The following KLHL5 variants were observed in gnomAD, a reference collection of about 807,000 sequenced individuals.
KLHL5 encodes the protein kelch-like protein 5.
KLHL5 carries 48 observed loss-of-function variants against 77.7 expected under a neutral mutation model. The observed-to-expected ratio is 0.62, with a 90% confidence interval of 0.49 to 0.79. The LOEUF (loss-of-function observed/expected upper bound fraction) is 0.79. Ranked by LOEUF, KLHL5 falls within the 30% of genes least tolerant of loss-of-function variation. KLHL5 has a pLI of 0.00. For missense variants in KLHL5, 723 were observed against 859.7 expected, an observed-to-expected ratio of 0.84 and a Z score of 1.99; for synonymous variants, 260 against 297.0, an observed-to-expected ratio of 0.88 and a Z score of 1.28.
intron 8 of KLHL5, among the ~76,000 whole-genome samples, chr4:39,110,171 T>C (rs996216381): frequency 1.3e-5 from 2 of 152,160 alleles, no homozygotes; most frequent in African/African-American, 2.4e-5. Flanking sequence ...GTATTACAAG[T>C]TCAAGCATAT....
Position 39,103,974 on chromosome 4 carries a change from C to A in KLHL5, c.1525+463C>A, listed in dbSNP as rs866554847. On this transcript the variant is annotated intron_variant, in intron 7 of 10. Transcript: ENST00000504108. Reference sequence around the variant, plus strand: ...CTCCAGCCTGGCAAAACATCTATCTCAAAAAAAAAAAAAAAAAAAAGGATC... The same window carrying A: ...CTCCAGCCTGGCAAAACATCTATCTAAAAAAAAAAAAAAAAAAAAAGGATC... 3.8e-3 allele frequency among the ~76,000 whole-genome samples: 356 copies of A among 93,026 alleles called. 1 individual carries two copies. The highest frequency in any genetic ancestry group is 6.8e-3 in the African/African-American group (168 of 24,698). 61.0% of individuals were successfully genotyped at this position (93,026 alleles called of 152,430 possible). A position where few individuals can be genotyped will look rare whatever the true frequency, so the allele number is the denominator to read the frequency against.
intron 1 of KLHL5, among the ~76,000 whole-genome samples, chr4:39,066,827 C>G (rs1717932002): frequency 6.6e-6 from 1 of 152,150 alleles, no homozygotes; most frequent in African/African-American, 2.4e-5. Flanking sequence ...CAACCTAATT[C>G]TAATTTTATA....
chr4:39,050,665 G>A (rs972059017), intron 1 of KLHL5, among the ~76,000 whole-genome samples: 1 of 152,204 alleles, frequency 6.6e-6, no homozygotes, highest in African/African-American at 2.4e-5. Flanking sequence ...AGGAAATAAT[G>A]CAGTTGACTC....
At chr4:39,100,615 A>G (rs1253399557) in intron 6 of KLHL5, among the ~76,000 whole-genome samples, 2 of 152,342 alleles carry the variant, frequency 1.3e-5, no homozygotes, top group African/African-American at 4.8e-5. Context: ...GATAAGATCA[A>G]GATTCAAACA....
chr4:39,067,479 C>T (rs950963765), intron 1 of KLHL5, among the ~76,000 whole-genome samples: 1 of 152,076 alleles, frequency 6.6e-6, no homozygotes, highest in Non-Finnish European at 1.5e-5. Context: ...AGATTTCATG[C>T]TCTTAACAAA....
upstream of KLHL5, among the ~76,000 whole-genome samples, chr4:39,061,103 C>T (rs1191999245): frequency 6.6e-6 from 1 of 152,158 alleles, no homozygotes; most frequent in Admixed American, 6.5e-5. Context: ...GAAACTGGCC[C>T]ATACCACTCC....
intron 8 of KLHL5, among the ~76,000 whole-genome samples, chr4:39,111,856 CAT>C (rs1413855081): frequency 6.6e-6 from 1 of 152,072 alleles, no homozygotes; most frequent in Non-Finnish European, 1.5e-5. Context: ...GTTTCAGTGA[CAT>C]AGTGGCATAC....
chr4:39,101,126 T>TATACTATATATA (rs1553892884), intron 6 of KLHL5, among the ~76,000 whole-genome samples: 1 of 134,844 alleles, frequency 7.4e-6, no homozygotes, highest in Admixed American at 7.5e-5. Flanking sequence ...TATTTGGATT[T>TATACTATATATA]TATATATATA....
chr4:39,066,167 A>G (rs1182909196), intron 1 of KLHL5, among the ~76,000 whole-genome samples: 1 of 152,192 alleles, frequency 6.6e-6, no homozygotes, highest in Non-Finnish European at 1.5e-5. Context: ...CTATTAAAAT[A>G]CAAACTTAGT....
chr4:39,052,152 G>A (rs895550108), intron 1 of KLHL5, among the ~76,000 whole-genome samples: 7 of 151,852 alleles, frequency 4.6e-5, no homozygotes, highest in African/African-American at 1.5e-4. Flanking sequence ...ACAGAGACTC[G>A]CTCTGTCACC....
chr4:39,111,748 A>C (rs931331143), intron 8 of KLHL5, among the ~76,000 whole-genome samples: 1 of 152,166 alleles, frequency 6.6e-6, no homozygotes, highest in Non-Finnish European at 1.5e-5. Context: ...AATAAATTTC[A>C]ATTTCCATAC....
At chr4:39,045,797 A>C (rs746995785) in intron 1 of KLHL5, among the ~76,000 whole-genome samples, 2 of 152,030 alleles carry the variant, frequency 1.3e-5, no homozygotes, top group Non-Finnish European at 2.9e-5. Flanking sequence ...CAAAAGGTAC[A>C]AAAGGGGCAG....
intron 1 of KLHL5, among the ~76,000 whole-genome samples, chr4:39,075,512 C>G (rs1463421542): frequency 6.6e-6 from 1 of 152,084 alleles, no homozygotes; most frequent in Non-Finnish European, 1.5e-5. Flanking sequence ...TTATTTATAA[C>G]ACTGTTTTTA....
At chr4:39,048,260 C>T (rs779388362) in intron 1 of KLHL5, among the ~76,000 whole-genome samples, 51 of 152,234 alleles carry the variant, frequency 3.4e-4, no homozygotes, top group Non-Finnish European at 3.2e-4. Flanking sequence ...AGAATCCATT[C>T]GGTTCTTGTG....
At chr4:39,141,728 A>G in the KLHL5 span, among the ~76,000 whole-genome samples, 1 of 152,082 alleles carries the variant, frequency 6.6e-6, no homozygotes, top group East Asian at 1.9e-4. Flanking sequence ...ACTTGAGCCC[A>G]GGAGTTCGAG....
At chr4:39,067,572 A>C (rs1053988158) in intron 1 of KLHL5, among the ~76,000 whole-genome samples, 1 of 152,068 alleles carries the variant, frequency 6.6e-6, no homozygotes, top group Non-Finnish European at 1.5e-5. Context: ...ATTCATTCTA[A>C]CTAGTTTCAC....
rs1723416728 is a variant in KLHL5, at chr4:39,124,709, A to G, written c.*3643A>G. Among the ~76,000 whole-genome samples, 1 of 148,176 alleles carries G rather than the reference A, an allele frequency of 6.7e-6. No individual in the cohort carries two copies. The highest frequency in any genetic ancestry group is 2.4e-5 in the African/African-American group (1 of 41,046). ...CTAAATGTAAGAGCTAAAACCATAA[A>G]ACTTTGAGAAGAAAATACAGGAATA... On this transcript the variant is annotated 3_prime_UTR_variant, in exon 11 of 11. Coordinates refer to ENST00000504108, the MANE Select transcript of KLHL5 (RefSeq NM_015990.5).
At chr4:39,112,935 A>G in intron 8 of KLHL5, 85 bp from the exon 9 acceptor site, 1 of 1,197,058 alleles carries the variant, frequency 8.4e-7, no homozygotes, top group Non-Finnish European at 1.2e-6. Context: ...CTTAAATTCA[A>G]TGAGATAACA....
intron 1 of KLHL5, among the ~76,000 whole-genome samples, chr4:39,074,898 C>T (rs893311753): frequency 2.0e-5 from 3 of 152,002 alleles, no homozygotes; most frequent in Admixed American, 6.6e-5. Context: ...CATAACCAAC[C>T]GACTTTGATT....
Sources: allele counts gnomAD v4.1 joint callset (sites outside exome capture counted in the v4.1 genomes callset), GRCh38; gene constraint gnomAD v4.1.1; transcripts MANE v1.5; gene names NCBI Gene and HGNC (gene_info 2026-07-23, HGNC 2026-07-21).